The following ARMC10 variants were observed in gnomAD, a reference collection of about 807,000 sequenced individuals.
ARMC10 encodes the protein armadillo repeat containing 10.
ARMC10 carries 23 observed loss-of-function variants against 30.2 expected under a neutral mutation model. The observed-to-expected ratio is 0.76, with a 90% CI of 0.55 to 1.08. ARMC10 has a LOEUF of 1.08. ARMC10 is among the 50% of genes least tolerant of loss of function. The probability of loss-of-function intolerance (pLI) is 0.00; values close to 1 mark genes in which losing one functional copy is unlikely to be tolerated. For synonymous variants in ARMC10, 111 were observed against 164.4 expected, an observed-to-expected ratio of 0.68 and a Z score of 2.48; for missense variants, 303 against 413.7, an observed-to-expected ratio of 0.73 and a Z score of 2.32.
chr7:103,084,171 TA>T, intron 3 of ARMC10: 1 of 540,504 alleles, frequency 1.9e-6, no homozygotes, highest in Non-Finnish European at 2.9e-6. Context: ...GTACATACTT[TA>T]AATTGTATAT....
chr7:103,090,617 C>T (rs1801224134), intron 4 of ARMC10, among the ~76,000 whole-genome samples: 1 of 152,104 alleles, frequency 6.6e-6, no homozygotes, highest in Admixed American at 6.5e-5. Context: ...CCTGCCTCAG[C>T]ATCCTGAGTA....
chr7:103,081,476 AT>A (rs1800375328), intron 2 of ARMC10, among the ~76,000 whole-genome samples: 1 of 152,116 alleles, frequency 6.6e-6, no homozygotes, highest in Non-Finnish European at 1.5e-5. Flanking sequence ...GGCTCAAGCA[AT>A]TTTCCCGCCT....
chr7:103,097,412 T>A, intron 6 of ARMC10, 64 bp downstream of exon 6: 1 of 1,211,092 alleles, frequency 8.3e-7, no homozygotes, highest in Non-Finnish European at 1.2e-6. Flanking sequence ...GACAGACAGA[T>A]CTGGAAAGAT....
At chr7:103,082,714 T>G (rs1800493457) in intron 2 of ARMC10, among the ~76,000 whole-genome samples, 1 of 152,052 alleles carries the variant, frequency 6.6e-6, no homozygotes, top group Admixed American at 6.6e-5. Flanking sequence ...TCACCTACCC[T>G]TGCCCCTCCC....
intron 2 of ARMC10, among the ~76,000 whole-genome samples, chr7:103,079,847 TA>T (rs1381966815): frequency 2.6e-5 from 4 of 152,220 alleles, no homozygotes; most frequent in Admixed American, 2.6e-4. Context: ...GAATTCACTT[TA>T]AAAACTAGGA....
At chr7:103,086,935 G>A (rs1800916215) in intron 4 of ARMC10, 171 bp downstream of exon 4, 3 of 1,485,868 alleles carry the variant, frequency 2.0e-6, no homozygotes, top group Non-Finnish European at 2.7e-6. Context: ...TAGCCAATAA[G>A]AGGTACAATA....
At position 103,075,163 on chromosome 7, in the gene ARMC10, C is replaced by G. The variant is rs564100581; in HGVS notation, c.-110C>G. ...CCATTTCCTTTCTCCACATCCAGGT[C>G]AGGTGGCGTTTGCTGTGGCGGCTAG... is the stretch of plus-strand genomic sequence containing the variant. On this transcript the variant is annotated 5_prime_UTR_variant, in exon 1 of 7. Coordinates refer to ENST00000323716, the MANE Select transcript of ARMC10 (RefSeq NM_031905.5). 2.3e-4 allele frequency: 174 copies of G among 746,342 alleles called. 1 individual carries two copies. In the African/African-American group the frequency reaches 3.1e-3, roughly 13 times the overall value. 46.2% of individuals were successfully genotyped at this position (746,342 alleles called of 1,614,324 possible). A position where few individuals can be genotyped will look rare whatever the true frequency, so the allele number is the denominator to read the frequency against.
In ARMC10 at chr7:103,075,812, T is replaced by G; in HGVS notation, c.175T>G (p.Cys59Gly). The change falls in exon 2 of 7, where the codon TGC (cysteine) becomes GGC (glycine). Residue 59 changes from cysteine (C) to glycine (G), a missense_variant. Physicochemically the swap from Cys to Gly is radical, Grantham distance 159. Around this residue, in one of 4 missense-constraint regions of ARMC10, gnomAD observed 96 missense variants for 84.2 expected, o/e 1.14. Coordinates refer to ENST00000323716, the MANE Select transcript of ARMC10 (RefSeq NM_031905.5). ...LEEGTSEGQLCGRSARPQTGG... is the reference protein window; with the variant it reads ...LEEGTSEGQLGGRSARPQTGG... ...AGAAGGGACGTCAGAGGGTCAGTTG[T>G]GCGGGCGCTCGGCCCGGCCTCAGAC... The G allele has an allele frequency of 6.2e-7, 1 of 1,611,102 alleles. No individual in the cohort carries two copies. Among genetic ancestry groups the G allele is most frequent in the South Asian group, 1.1e-5 (1 of 90,256 alleles).
intron 4 of ARMC10, among the ~76,000 whole-genome samples, chr7:103,091,483 G>T (rs1801319600): frequency 2.8e-5 from 1 of 36,238 alleles, no homozygotes; most frequent in African/African-American, 9.3e-5. Flanking sequence ...TTATGAAGGG[G>T]TGAATTATAT....
rs1467971394 is a variant in ARMC10, at chr7:103,092,536, G to T, written c.588G>T (p.Gln196His). 1.2e-6 allele frequency: 2 copies of T among 1,609,792 alleles called. No individual in the cohort carries two copies. Among genetic ancestry groups the T allele is most frequent in the African/African-American group, 1.3e-5 (1 of 74,850 alleles). Residue 196 changes from glutamine (Q) to histidine (H), a missense_variant, in exon 5 of 7, where the codon CAG becomes CAT. Around this residue, in one of 4 missense-constraint regions of ARMC10, gnomAD observed 170 missense variants for 207.2 expected, o/e 0.82. Transcript: ENST00000323716. ...VFSGPLNSAVQLAGLTLLTNM... is the reference protein window; with the variant it reads ...VFSGPLNSAVHLAGLTLLTNM... ...CTGGTCCTCTGAACTCTGCTGTGCA[G>T]CTGGCTGGACTGACATTGTTGACAA... is the stretch of plus-strand genomic sequence containing the variant.
intron 3 of ARMC10, chr7:103,084,062 C>G (rs1048043194): frequency 1.4e-6 from 2 of 1,478,342 alleles, no homozygotes; most frequent in African/African-American, 2.8e-5. Flanking sequence ...GCATCACATT[C>G]GTAAGTATAT....
chr7:103,083,171 T>C (rs1235838319), intron 2 of ARMC10: 1 of 456,556 alleles, frequency 2.2e-6, no homozygotes, highest in Admixed American at 2.3e-5. Context: ...CTAACAGCCA[T>C]ATGCCAGGTG....
intron 5 of ARMC10, among the ~76,000 whole-genome samples, chr7:103,092,884 T>G (rs768752376): frequency 1.3e-5 from 2 of 152,064 alleles, no homozygotes; most frequent in Non-Finnish European, 2.9e-5. Flanking sequence ...GAAGCTAGCT[T>G]CCCCCCACCA....
chr7:103,092,026 G>A (rs1163898808), intron 4 of ARMC10, among the ~76,000 whole-genome samples: 1 of 152,198 alleles, frequency 6.6e-6, no homozygotes, highest in African/African-American at 2.4e-5. Context: ...CAACTTTTGA[G>A]GGCCAGATAG....
At chr7:103,077,323 T>C (rs1799979893) in intron 2 of ARMC10, among the ~76,000 whole-genome samples, 2 of 151,818 alleles carry the variant, frequency 1.3e-5, no homozygotes, top group African/African-American at 4.8e-5. Flanking sequence ...GTATGTACCC[T>C]TACTGTATTA....
chr7:103,080,454 C>G (rs1800279416), intron 2 of ARMC10, among the ~76,000 whole-genome samples: 1 of 151,922 alleles, frequency 6.6e-6, no homozygotes, highest in Admixed American at 6.6e-5. Context: ...GGGGTTTCAC[C>G]ATCTTGGCCA....
At chr7:103,097,244 A>C in intron 5 of ARMC10, 33 bp from the exon 6 acceptor site, 1 of 1,566,744 alleles carries the variant, frequency 6.4e-7, no homozygotes, top group Non-Finnish European at 8.8e-7. Context: ...CATGCTTGCC[A>C]GTCTGAGATA....
intron 5 of ARMC10, 85 bp from the exon 6 acceptor site, chr7:103,097,192 G>A: frequency 8.7e-7 from 1 of 1,146,582 alleles, no homozygotes; most frequent in South Asian, 1.2e-5. Flanking sequence ...GACTTTAACA[G>A]GAAGACATGG....
intron 4 of ARMC10, among the ~76,000 whole-genome samples, chr7:103,090,379 G>C (rs1310612541): frequency 6.6e-6 from 1 of 152,188 alleles, no homozygotes; most frequent in Admixed American, 6.5e-5. Flanking sequence ...ATGTAAATTA[G>C]GGCCAGGCGT....
Sources: allele counts gnomAD v4.1 joint callset (sites outside exome capture counted in the v4.1 genomes callset), GRCh38; gene constraint gnomAD v4.1.1; regional missense constraint gnomAD v4.1.1; transcripts MANE v1.5; gene names NCBI Gene and HGNC (gene_info 2026-07-23, HGNC 2026-07-21).